The following ABCC10 variants were observed in gnomAD, a reference collection of about 807,000 sequenced individuals.
ABCC10 encodes the protein ATP binding cassette subfamily C member 10, also known as ATP-binding cassette sub-family C member 10.
ABCC10 carries 110 observed loss-of-function variants against 143.2 expected under a neutral mutation model. That is an observed-to-expected ratio of 0.77 (90% CI 0.66 to 0.90). The LOEUF is 0.90. Among genes scored for constraint, ABCC10 ranks in the 40% least tolerant of loss-of-function variants. The probability of loss-of-function intolerance (pLI) is 0.00; values close to 1 mark genes in which losing one functional copy is unlikely to be tolerated. For synonymous variants in ABCC10, 805 were observed against 846.7 expected (o/e 0.95, Z 0.85); for missense variants, 1,700 against 1,900.5 (o/e 0.89, Z 1.96).
At chr6:43,442,062 T>C in intron 9 of ABCC10, 102 bp downstream of exon 9, 1 of 988,476 alleles carries the variant, frequency 1.0e-6, no homozygotes, top group Non-Finnish European at 1.5e-6. Flanking sequence ...CCTTAGCATC[T>C]GGTTCCTTCC....
downstream of ABCC10, chr6:43,450,857 G>T (rs776114732): frequency 2.5e-6 from 4 of 1,614,192 alleles, no homozygotes; most frequent in South Asian, 1.1e-5. This position sits in a 1 kb window ranked among gnomAD's most constrained non-coding sequence, Gnocchi z 4.5. Context: ...CGCTGTGGGG[G>T]GCTGGCCCCG....
At position 43,445,041 on chromosome 6, in the gene ABCC10, G is replaced by A. The variant is rs80036801; in HGVS notation, c.2841-84G>A. 3,253 of 1,587,114 alleles carry A rather than the reference G, an allele frequency of 2.0e-3. 65 individuals carry two copies. The African/African-American group carries it at 0.039, about 19-fold the overall frequency. On this transcript the variant is annotated intron_variant, in intron 13 of 21. Coordinates refer to ENST00000372530, the MANE Select transcript of ABCC10 (RefSeq NM_001198934.2). ...TTCCAGATGCTGTGACTTCTGGAGG[G>A]TGGGAGAGATGGCATGGGGGAGGAG...
chr6:43,448,184 A>G, intron 18 of ABCC10: 1 of 653,670 alleles, frequency 1.5e-6, no homozygotes, highest in Non-Finnish European at 2.8e-6. Context: ...TCTTTCTTGT[A>G]CTTCCTACCA....
At chr6:43,440,082 G>A (rs1294766807) in intron 8 of ABCC10, among the ~76,000 whole-genome samples, 2 of 152,092 alleles carry the variant, frequency 1.3e-5, no homozygotes, top group African/African-American at 4.8e-5. Context: ...TCAGCCTCCT[G>A]AGTAGCTGGG....
At position 43,444,471 on chromosome 6, in the gene ABCC10, CA is replaced by C. The variant is rs1782811299; in HGVS notation, c.2689+122del. The C allele has an allele frequency of 2.3e-6, 3 of 1,282,714 alleles. No individual in the cohort carries two copies. In the Admixed American group the frequency reaches 8.5e-5, roughly 36 times the overall value. 79.5% of individuals were successfully genotyped at this position (1,282,714 alleles called of 1,614,324 possible). A position where few individuals can be genotyped will look rare whatever the true frequency, so the allele number is the denominator to read the frequency against. ...CACCAAGCATGGGTCACAGCTGGGA[CA>C]AAAGCCATACTCCTAATTCTGAGAG... On this transcript the variant is annotated intron_variant, in intron 12 of 21. Transcript: ENST00000372530.
Position 43,436,248 on chromosome 6 carries a change from G to C in ABCC10, c.1875+1G>C. On this transcript the variant is annotated splice_donor_variant, in intron 6 of 21. Coordinates refer to ENST00000372530, the MANE Select transcript of ABCC10 (RefSeq NM_001198934.2). LOFTEE classifies it high-confidence loss of function. ...CATCAGTCATCTCGAAGTGAAAAAG[G>C]TTTGTTGGACAGACACCCTGGGAGA... The C allele has an allele frequency of 6.2e-7, 1 of 1,613,554 alleles. No individual in the cohort carries two copies. The highest frequency in any genetic ancestry group is 8.5e-7 in the Non-Finnish European group (1 of 1,179,970).
At chr6:43,437,132 C>T (rs1371805806) in intron 6 of ABCC10, among the ~76,000 whole-genome samples, 1 of 152,158 alleles carries the variant, frequency 6.6e-6, no homozygotes, top group East Asian at 1.9e-4. Flanking sequence ...CCTGTATTTG[C>T]CTGGTTCTCT....
intron 8 of ABCC10, among the ~76,000 whole-genome samples, chr6:43,440,680 G>A (rs1782300774): frequency 6.6e-6 from 1 of 151,882 alleles, no homozygotes; most frequent in Admixed American, 6.6e-5. Flanking sequence ...TGGCCAACAT[G>A]GTGAAACCCC....
chr6:43,451,882 C>T, downstream of ABCC10: 1 of 1,601,092 alleles, frequency 6.2e-7, no homozygotes. This position sits in a 1 kb window ranked among gnomAD's most constrained non-coding sequence, Gnocchi z 4.4. Context: ...CCTCTTTTCT[C>T]ATCCCATCAC....
Position 43,445,137 on chromosome 6 carries a change from C to A in ABCC10, c.2853C>A (p.Phe951Leu). 2 of 1,613,998 alleles carry A rather than the reference C, an allele frequency of 1.2e-6. No homozygotes were observed. The highest frequency in any genetic ancestry group is 1.7e-6 in the Non-Finnish European group (2 of 1,179,934). ...CCTCACCACCCAGCATCCCAGTGTT[C>A]CCACTGCCCAAAGCTGCCCCCAATG... ...FSPGNLYIPV[F>L]PLPKAAPNGS... is the part of the protein sequence containing the mutation. Residue 951 changes from phenylalanine (F) to leucine (L), a missense_variant, in exon 14 of 22, where the codon TTC becomes TTA. Transcript: ENST00000372530.
chr6:43,438,786 T>C lies in ABCC10; in HGVS notation c.2118T>C (p.Asp706=). The C allele has an allele frequency of 6.2e-7, 1 of 1,614,112 alleles. No homozygotes were observed. The highest frequency in any genetic ancestry group is 8.5e-7 in the Non-Finnish European group (1 of 1,179,942). The change falls in exon 8 of 22, where the codon GAT becomes GAC. Residue 706 remains aspartate, a synonymous_variant. Transcript: ENST00000372530. ...TGCTAGAAGCCTGCGCCCTCAATGA[T>C]GACCTCAGTGTGAGTGCCTGGCCTT... ...KEVLEACALN[D]DLSILPAGDQ... is the part of the protein sequence containing the mutation.
chr6:43,446,056 T>C, intron 15 of ABCC10, 114 bp downstream of exon 15: 1 of 1,270,272 alleles, frequency 7.9e-7, no homozygotes, highest in Non-Finnish European at 1.1e-6. Context: ...GGACAAGGGA[T>C]GGGGAAGGAG....
Position 43,434,860 on chromosome 6 carries a change from G to A in ABCC10, c.1608+12G>A. On this transcript the variant is annotated intron_variant, in intron 4 of 21. Coordinates refer to ENST00000372530, the MANE Select transcript of ABCC10 (RefSeq NM_001198934.2). ...TCACTGCCACCAAGGTGAGGACCAG[G>A]AAGGAAGGGGACCAGCATCAAGGAG... 1 of 1,610,990 alleles carries A rather than the reference G, an allele frequency of 6.2e-7. No individual in the cohort carries two copies. The highest frequency in any genetic ancestry group is 1.1e-5 in the South Asian group (1 of 91,024).
intron 9 of ABCC10, among the ~76,000 whole-genome samples, chr6:43,442,629 C>T (rs949080455): frequency 2.4e-4 from 37 of 151,834 alleles, no homozygotes; most frequent in African/African-American, 8.9e-4. Flanking sequence ...ACTCAGGAGG[C>T]TGAGGTGGGA....
At chr6:43,447,139 C>T (rs1028264341) in intron 16 of ABCC10, 109 bp from the exon 17 acceptor site, 17 of 1,400,218 alleles carry the variant, frequency 1.2e-5, no homozygotes, top group Non-Finnish European at 1.6e-5. Flanking sequence ...AGCCACCGCG[C>T]CCAGCCTCTG....
rs1581737144 is a variant in ABCC10, at chr6:43,438,410, G to A, written c.1956-214G>A. 6.3e-6 allele frequency: 9 copies of A among 1,426,038 alleles called. No individual in the cohort carries two copies. The East Asian group carries it at 2.3e-4, about 36-fold the overall frequency. The allele number at this position is 1,426,038 out of a possible 1,614,324, so 88.3% of individuals were successfully genotyped here. A position where few individuals can be genotyped will look rare whatever the true frequency, so the allele number is the denominator to read the frequency against. On this transcript the variant is annotated intron_variant, in intron 7 of 21. Transcript: ENST00000372530. Reference sequence around the variant, plus strand: ...ACAGATGTAAGTACAACAGCTGCTTGGCTGTAGCCAAAGAGCTATTTCTTC... The same window carrying A: ...ACAGATGTAAGTACAACAGCTGCTTAGCTGTAGCCAAAGAGCTATTTCTTC...
intron 16 of ABCC10, 102 bp downstream of exon 16, chr6:43,446,548 C>T (rs76514807): frequency 4.8e-6 from 7 of 1,461,690 alleles, no homozygotes; most frequent in African/African-American, 2.8e-5. Context: ...ACCTCCCACC[C>T]AGGGTTCCCT....
chr6:43,431,863 T>A (rs1581703357), intron 2 of ABCC10: 2 of 1,279,298 alleles, frequency 1.6e-6, no homozygotes, highest in Non-Finnish European at 9.9e-7. Context: ...GTCTGTGGTT[T>A]AAAAAAAAAC....
intron 2 of ABCC10, chr6:43,431,706 T>C (rs1781150708): frequency 1.4e-6 from 1 of 694,604 alleles, no homozygotes; most frequent in Non-Finnish European, 1.8e-6. Flanking sequence ...TATGTGCTTG[T>C]TTGTTATTAT....
Sources: allele counts gnomAD v4.1 joint callset (sites outside exome capture counted in the v4.1 genomes callset), GRCh38; gene constraint gnomAD v4.1.1; non-coding constraint Gnocchi (gnomAD v3.1); transcripts MANE v1.5; gene names NCBI Gene and HGNC (gene_info 2026-07-23, HGNC 2026-07-21).